Variants in HS2ST1 observed in about 807,000 individuals in gnomAD.
HS2ST1 encodes the protein heparan sulfate 2-O-sulfotransferase 1, also known as 2-O-sulfotransferase.
HS2ST1 carries 18 observed loss-of-function variants against 42.9 expected under a neutral mutation model. The observed-to-expected ratio is 0.42, with a 90% confidence interval of 0.29 to 0.62. The LOEUF is 0.62. Ranked by LOEUF, HS2ST1 falls within the 20% of genes least tolerant of loss-of-function variation. The pLI is 0.21. For missense variants in HS2ST1, 334 were observed against 433.8 expected, an observed-to-expected ratio of 0.77 and a Z score of 2.04; for synonymous variants, 146 against 152.9, an observed-to-expected ratio of 0.95 and a Z score of 0.33.
chr1:87,066,838 C>A (rs1210141036), intron 1 of HS2ST1, among the ~76,000 whole-genome samples: 1 of 151,692 alleles, frequency 6.6e-6, no homozygotes, highest in South Asian at 2.1e-4. Flanking sequence ...GTTTTCTGTT[C>A]TTGTTAGTTT....
At chr1:87,019,496 C>G (rs1256243867) in intron 1 of HS2ST1, among the ~76,000 whole-genome samples, 1 of 152,104 alleles carries the variant, frequency 6.6e-6, no homozygotes, top group Non-Finnish European at 1.5e-5. Flanking sequence ...TTAATATTTA[C>G]TTTTTTCCCC....
At chr1:87,008,198 T>G (rs1375192410) in intron 1 of HS2ST1, among the ~76,000 whole-genome samples, 2 of 152,158 alleles carry the variant, frequency 1.3e-5, no homozygotes, top group Non-Finnish European at 2.9e-5. Context: ...AGAAGCAAAG[T>G]CAATTTACCT....
At chr1:87,045,213 A>G (rs1431853323) in intron 1 of HS2ST1, 1 of 975,792 alleles carries the variant, frequency 1.0e-6, no homozygotes, top group Non-Finnish European at 1.7e-6. Context: ...GGCATCACCA[A>G]CACTTCAAAT....
intron 1 of HS2ST1, among the ~76,000 whole-genome samples, chr1:87,057,421 C>G (rs1650997374): frequency 1.3e-5 from 2 of 152,034 alleles, no homozygotes; most frequent in Admixed American, 1.3e-4. Flanking sequence ...TATGTTTTAC[C>G]TTGCCCTTAA....
At chr1:86,977,262 G>T (rs749510008) in intron 1 of HS2ST1, among the ~76,000 whole-genome samples, 9 of 152,144 alleles carry the variant, frequency 5.9e-5, no homozygotes, top group Non-Finnish European at 1.0e-4. Context: ...ATCAGACAAT[G>T]TATACACTAG....
chr1:87,079,429 C>T (rs1651628972), intron 2 of HS2ST1, among the ~76,000 whole-genome samples: 2 of 152,168 alleles, frequency 1.3e-5, no homozygotes, highest in Non-Finnish European at 2.9e-5. Flanking sequence ...TGAGCCACTG[C>T]ACCTGGCCAA....
chr1:87,058,118 T>C (rs1276222965), intron 1 of HS2ST1, among the ~76,000 whole-genome samples: 2 of 151,668 alleles, frequency 1.3e-5, no homozygotes, highest in Non-Finnish European at 2.9e-5. Flanking sequence ...ATGGAACTTA[T>C]CTCAGGGTTA....
intron 1 of HS2ST1, among the ~76,000 whole-genome samples, chr1:87,037,430 T>G (rs2100601318): frequency 6.6e-6 from 1 of 151,952 alleles, no homozygotes; most frequent in East Asian, 1.9e-4. Flanking sequence ...GTACAATAAA[T>G]GGCCTTTTAA....
At chr1:86,966,531 G>A (rs977561761) in intron 1 of HS2ST1, among the ~76,000 whole-genome samples, 4 of 152,150 alleles carry the variant, frequency 2.6e-5, no homozygotes, top group African/African-American at 9.7e-5. Context: ...TTCTTAGTTG[G>A]ATTAGAAACG....
chr1:87,030,532 ACACACG>A (rs1650206743), intron 1 of HS2ST1, among the ~76,000 whole-genome samples: 1 of 151,986 alleles, frequency 6.6e-6, no homozygotes, highest in Non-Finnish European at 1.5e-5. Context: ...ATGCACACGC[ACACACG>A]CACACACACA....
chr1:86,949,942 T>C (rs1372180593), intron 1 of HS2ST1, among the ~76,000 whole-genome samples: 1 of 152,234 alleles, frequency 6.6e-6, no homozygotes, highest in African/African-American at 2.4e-5. Flanking sequence ...CACAGGGCTT[T>C]TAGGACCCTA....
chr1:86,927,460 C>T (rs891818482), intron 1 of HS2ST1, among the ~76,000 whole-genome samples: 5 of 152,136 alleles, frequency 3.3e-5, no homozygotes, highest in African/African-American at 1.2e-4. Flanking sequence ...GCTTATATAG[C>T]AACTTAAAAC....
At chr1:86,945,818 C>G (rs911033931) in intron 1 of HS2ST1, among the ~76,000 whole-genome samples, 14 of 152,144 alleles carry the variant, frequency 9.2e-5, no homozygotes, top group African/African-American at 2.9e-4. Flanking sequence ...CCTGTAATCT[C>G]AGCACTTTGG....
chr1:86,989,050 CCTTT>C (rs1648871826), intron 1 of HS2ST1, among the ~76,000 whole-genome samples: 1 of 152,172 alleles, frequency 6.6e-6, no homozygotes, highest in African/African-American at 2.4e-5. Flanking sequence ...CTCAGTCCTC[CCTTT>C]CTTTCTGGTG....
rs1291352575 is a variant in HS2ST1 at position 87,018,801 on chromosome 1, CCTTA to C, written c.125-54129_125-54126del. Among the ~76,000 whole-genome samples the C allele has an allele frequency of 4.6e-5, 7 of 152,212 alleles. No individual in the cohort carries two copies. The East Asian group carries it at 9.6e-4, about 21-fold the overall frequency. On this transcript the variant is annotated intron_variant, in intron 1 of 6. Transcript: ENST00000370550. The stretch of plus-strand genomic sequence containing the variant: ...GCGCCTTATCATGTTCTAGAGTTCT[CCTTA>C]CTTCTTAGTAGCCAATCTCTGGTTA...
At chr1:87,045,645 C>T (rs1650634829) in intron 1 of HS2ST1, 1 of 773,848 alleles carries the variant, frequency 1.3e-6, no homozygotes, top group Non-Finnish European at 2.4e-6. Flanking sequence ...GATCTTCAAT[C>T]TTTCCAATAC....
intron 1 of HS2ST1, among the ~76,000 whole-genome samples, chr1:86,932,686 C>A (rs1415434469): frequency 6.6e-6 from 1 of 152,054 alleles, no homozygotes; most frequent in African/African-American, 2.4e-5. Context: ...AAAGCACATG[C>A]AGTGTCAGAA....
At chr1:86,955,519 T>C (rs1647652408) in intron 1 of HS2ST1, among the ~76,000 whole-genome samples, 2 of 152,144 alleles carry the variant, frequency 1.3e-5, no homozygotes, top group Admixed American at 6.5e-5. Context: ...AAAAGGTTTT[T>C]ACAGTATACC....
At chr1:86,926,147 A>G (rs1265818617) in intron 1 of HS2ST1, among the ~76,000 whole-genome samples, 4 of 152,184 alleles carry the variant, frequency 2.6e-5, no homozygotes, top group African/African-American at 9.7e-5. Flanking sequence ...CCTTCAGAGT[A>G]TTCCACCCAG....
Sources: allele counts gnomAD v4.1 joint callset (sites outside exome capture counted in the v4.1 genomes callset), GRCh38; gene constraint gnomAD v4.1.1; transcripts MANE v1.5; gene names NCBI Gene and HGNC (gene_info 2026-07-23, HGNC 2026-07-21).